Variants in MAP2 observed in about 807,000 individuals in gnomAD.
MAP2 encodes microtubule-associated protein 2.
MAP2 carries 14 observed loss-of-function variants against 137.6 expected under a neutral mutation model. The ratio of observed to expected loss-of-function variants is 0.10; its 90% CI spans 0.07 to 0.16. The LOEUF is 0.16. Ranked by LOEUF, MAP2 falls within the 10% of genes least tolerant of loss-of-function variation. The pLI is 1.00. For synonymous variants in MAP2, 786 were observed against 782.3 expected, an observed-to-expected ratio of 1.00 and a Z score of -0.08; for missense variants, 2,088 against 2,191.5, an observed-to-expected ratio of 0.95 and a Z score of 0.94.
rs370663500 is a variant in MAP2, at chr2:209,545,460, A to T, written c.-171-34576A>T. Among the ~76,000 whole-genome samples, 3 of 152,248 alleles carry T rather than the reference A, an allele frequency of 2.0e-5. No individual in the cohort carries two copies. The East Asian group carries it at 5.8e-4, about 29-fold the overall frequency. On this transcript the variant is annotated intron_variant, in intron 2 of 15. Coordinates refer to ENST00000682079, the MANE Select transcript of MAP2 (RefSeq NM_001375505.1). ...TAGTGTAGAGCTTTGAATAAACATT[A>T]ATTAGTTGACCTGGTAGCAACAATA...
At chr2:209,641,699 T>TA (rs1207137398) in intron 4 of MAP2, among the ~76,000 whole-genome samples, 4 of 150,656 alleles carry the variant, frequency 2.7e-5, no homozygotes, top group South Asian at 2.1e-4. Context: ...TGGGGGGACT[T>TA]AAAAAAAAGA....
At chr2:209,582,433 T>C (rs1388275521) in intron 3 of MAP2, among the ~76,000 whole-genome samples, 17 of 152,134 alleles carry the variant, frequency 1.1e-4, no homozygotes, top group Admixed American at 1.0e-3. Flanking sequence ...GGGGGAAATA[T>C]GCCAAACTGC....
At chr2:209,683,009 G>A (rs1336669608) in intron 7 of MAP2, among the ~76,000 whole-genome samples, 1 of 152,152 alleles carries the variant, frequency 6.6e-6, no homozygotes, top group Non-Finnish European at 1.5e-5. Flanking sequence ...CCAAAAGTCG[G>A]CTTGAGGTCA....
rs370551072 is a variant in MAP2, at chr2:209,690,683, T to C, written c.455-1942T>C. The C allele has an allele frequency of 8.5e-6, 11 of 1,289,388 alleles. No homozygotes were observed. In the South Asian group the frequency reaches 1.2e-4, roughly 14 times the overall value. The allele number at this position is 1,289,388 out of a possible 1,614,324, so 79.9% of individuals were successfully genotyped here. A position where few individuals can be genotyped will look rare whatever the true frequency, so the allele number is the denominator to read the frequency against. On this transcript the variant is annotated intron_variant, in intron 7 of 15. Coordinates refer to ENST00000682079, the MANE Select transcript of MAP2 (RefSeq NM_001375505.1). ...TGAGAAAGAGTGTGGGGCTGCTAAG[T>C]CCTCAGACCAACCCAAGGGCCTCAG...
rs551102324 is a variant in MAP2 at position 209,472,510 on chromosome 2, T to G, written c.-221-35082T>G. Among the ~76,000 whole-genome samples the G allele has an allele frequency of 6.0e-4, 91 of 152,246 alleles. 1 individual carries two copies. Among genetic ancestry groups the G allele is most frequent in the African/African-American group, 2.1e-3 (86 of 41,552 alleles). On this transcript the variant is annotated intron_variant, in intron 1 of 15. Coordinates refer to ENST00000682079, the MANE Select transcript of MAP2 (RefSeq NM_001375505.1). ...ACTTAAAAGCTCATGGTCAGGTGAA[T>G]CTCAGGAAAAACGAGACCTTGCAGT...
At position 209,694,950 on chromosome 2, in the gene MAP2, A is replaced by T; in HGVS notation, c.2780A>T (p.Asp927Val). Residue 927 changes from aspartate (D) to valine (V), a missense_variant, in exon 8 of 16, where the codon GAT becomes GTT. Coordinates refer to ENST00000682079, the MANE Select transcript of MAP2 (RefSeq NM_001375505.1). The part of the protein sequence containing the change: ...VKLAAAGRVK[D>V]EFSVDKEASA... ...CTGGCAGCAGCCGGAAGAGTCAAAG[A>T]TGAGTTCAGTGTTGACAAAGAAGCA... 6.2e-7 allele frequency: 1 copy of T among 1,614,184 alleles called. No homozygotes were observed. The highest frequency in any genetic ancestry group is 1.1e-5 in the South Asian group (1 of 91,084).
At chr2:209,670,378 G>T (rs1262032789) in intron 5 of MAP2, among the ~76,000 whole-genome samples, 1 of 151,870 alleles carries the variant, frequency 6.6e-6, no homozygotes, top group Non-Finnish European at 1.5e-5. Context: ...TATTTCTTCT[G>T]CTTAAATGTG....
At chr2:209,451,235 A>C (rs1356847581) in intron 1 of MAP2, among the ~76,000 whole-genome samples, 2 of 152,174 alleles carry the variant, frequency 1.3e-5, no homozygotes, top group Non-Finnish European at 2.9e-5. Flanking sequence ...CATCACACTC[A>C]TCCACTCTCC....
At chr2:209,505,943 G>C (rs563873612) in intron 1 of MAP2, among the ~76,000 whole-genome samples, 200 of 152,096 alleles carry the variant, frequency 1.3e-3, no homozygotes, top group African/African-American at 4.6e-3. Context: ...CTGCACTCCC[G>C]ACTAGGTGAC....
chr2:209,541,975 G>C (rs940830013), intron 2 of MAP2, among the ~76,000 whole-genome samples: 1 of 152,180 alleles, frequency 6.6e-6, no homozygotes, highest in African/African-American at 2.4e-5. Context: ...CTAGGATAGT[G>C]AAATTTTTCC....
At chr2:209,688,738 A>C (rs1040279936) in intron 7 of MAP2, among the ~76,000 whole-genome samples, 1 of 152,230 alleles carries the variant, frequency 6.6e-6, no homozygotes, top group African/African-American at 2.4e-5. Context: ...TGGTAAAGAA[A>C]AAAAAGGTAC....
chr2:209,707,160 G>A (rs1584159495), intron 12 of MAP2, among the ~76,000 whole-genome samples: 1 of 152,066 alleles, frequency 6.6e-6, no homozygotes, highest in Admixed American at 6.6e-5. Flanking sequence ...AAGCAAAATG[G>A]CACTTTCTCC....
rs569009230 is a variant in MAP2 at position 209,672,603 on chromosome 2, T to C, written c.263-5969T>C. Among the ~76,000 whole-genome samples the C allele has an allele frequency of 1.9e-3, 282 of 151,920 alleles. 4 individuals are homozygous for C. The highest frequency in any genetic ancestry group is 5.8e-4 in the East Asian group (3 of 5,180). ...GATGGAGATGGAATTTGATCCCAGG[T>C]TTTCTGACACTAGAACCTACTTTTA... On this transcript the variant is annotated intron_variant, in intron 5 of 15. Coordinates refer to ENST00000682079, the MANE Select transcript of MAP2 (RefSeq NM_001375505.1).
At chr2:209,697,912 G>C (rs761230505) in intron 10 of MAP2, among the ~76,000 whole-genome samples, 4 of 151,934 alleles carry the variant, frequency 2.6e-5, no homozygotes, top group Non-Finnish European at 5.9e-5. Context: ...GCAGTGGCAC[G>C]ACCTCGGCTC....
intron 2 of MAP2, among the ~76,000 whole-genome samples, chr2:209,521,809 A>G (rs1232424240): frequency 6.6e-6 from 1 of 152,074 alleles, no homozygotes; most frequent in Non-Finnish European, 1.5e-5. Context: ...TGTTTGCTAA[A>G]TTCCTTAATT....
intron 13 of MAP2, among the ~76,000 whole-genome samples, chr2:209,725,242 C>T (rs925425588): frequency 1.3e-5 from 2 of 152,146 alleles, no homozygotes; most frequent in Admixed American, 6.5e-5. Flanking sequence ...AATGTAATAA[C>T]AATTTAGGAA....
intron 1 of MAP2, among the ~76,000 whole-genome samples, chr2:209,501,287 T>A (rs1410769759): frequency 6.6e-6 from 1 of 152,120 alleles, no homozygotes; most frequent in African/African-American, 2.4e-5. Context: ...CAGCTCACAA[T>A]TAATTTTGAT....
chr2:209,658,907 A>T (rs2042137954), intron 5 of MAP2, among the ~76,000 whole-genome samples: 1 of 152,210 alleles, frequency 6.6e-6, no homozygotes, highest in East Asian at 1.9e-4. Context: ...TGTGTGTAGA[A>T]TTGCAAGCTG....
At chr2:209,529,489 C>T (rs893151159) in intron 2 of MAP2, among the ~76,000 whole-genome samples, 3 of 152,018 alleles carry the variant, frequency 2.0e-5, no homozygotes, top group African/African-American at 4.8e-5. Context: ...TGGAAATCAT[C>T]GATGTTACTG....
Sources: allele counts gnomAD v4.1 joint callset (sites outside exome capture counted in the v4.1 genomes callset), GRCh38; gene constraint gnomAD v4.1.1; transcripts MANE v1.5; gene names NCBI Gene and HGNC (gene_info 2026-07-23, HGNC 2026-07-21).